Variants in GNA14 observed in about 807,000 individuals in gnomAD.
The protein encoded by GNA14 is G protein subunit alpha 14.
Under a neutral mutation model 42.0 loss-of-function variants are expected in GNA14, and 50 were observed. The observed-to-expected ratio is 1.19, with a 90% CI of 0.95 to 1.51. GNA14 has a LOEUF of 1.51. Ranked by LOEUF, GNA14 falls within the 40% of genes most tolerant of loss-of-function variation. The pLI, the probability that GNA14 is intolerant of heterozygous loss-of-function variation, is 0.00. For synonymous variants in GNA14, 173 were observed against 163.1 expected (o/e 1.06, Z -0.46); for missense variants, 473 against 446.2 (o/e 1.06, Z -0.54).
At chr9:77,558,934 A>C (rs11145480) in intron 1 of GNA14, among the ~76,000 whole-genome samples, 2,965 of 151,950 alleles carry the variant, frequency 0.02, 94 homozygotes, top group African/African-American at 0.067. Flanking sequence ...AAAAACAAAA[A>C]AAAAAACAAA....
intron 1 of GNA14, among the ~76,000 whole-genome samples, chr9:77,559,793 T>G (rs547109860): frequency 1.3e-5 from 2 of 152,230 alleles, no homozygotes; most frequent in African/African-American, 4.8e-5. Context: ...CATAAACAAA[T>G]GGTCCTTCCA....
intron 1 of GNA14, among the ~76,000 whole-genome samples, chr9:77,617,882 A>C (rs1475979856): frequency 6.6e-6 from 1 of 151,764 alleles, no homozygotes. Flanking sequence ...TCTCCCCTCC[A>C]TTGTCACCCT....
intron 1 of GNA14, among the ~76,000 whole-genome samples, chr9:77,597,263 C>A (rs1328190497): frequency 2.0e-5 from 3 of 152,182 alleles, no homozygotes; most frequent in African/African-American, 7.2e-5. Context: ...CAGAACTGCT[C>A]TGACAAACCA....
intron 5 of GNA14, among the ~76,000 whole-genome samples, chr9:77,426,303 C>CTT (rs569467315): frequency 6.2e-5 from 9 of 145,470 alleles, no homozygotes; most frequent in African/African-American, 7.6e-5. Context: ...TTGTTCAGAA[C>CTT]TTTTTTTTTT....
In GNA14 at chr9:77,433,731, C is replaced by A. The variant is rs539736365; in HGVS notation, c.464+637G>T. On this transcript the variant is annotated intron_variant, in intron 3 of 6. Coordinates refer to ENST00000341700, the MANE Select transcript of GNA14 (RefSeq NM_004297.4). ...GACATCTAAATAGAAATCTTTTTAC[C>A]TTCAAGGATTAATGAATTAAAAATT... Among the ~76,000 whole-genome samples, 3 of 152,276 alleles carry A rather than the reference C, an allele frequency of 2.0e-5. No individual in the cohort carries two copies. The East Asian group carries it at 5.8e-4, about 29-fold the overall frequency.
chr9:77,553,827 G>A (rs934236584), intron 1 of GNA14, among the ~76,000 whole-genome samples: 9 of 152,232 alleles, frequency 5.9e-5, no homozygotes, highest in Non-Finnish European at 1.0e-4. Context: ...AAATACCTAT[G>A]TAATGGGAAA....
At chr9:77,430,369 T>C (rs1835525442) in intron 4 of GNA14, among the ~76,000 whole-genome samples, 1 of 152,232 alleles carries the variant, frequency 6.6e-6, no homozygotes, top group Non-Finnish European at 1.5e-5. Flanking sequence ...GAAATAAAAG[T>C]ATTTTTTAAA....
intron 1 of GNA14, among the ~76,000 whole-genome samples, chr9:77,640,010 C>T (rs771086242): frequency 6.6e-6 from 1 of 152,208 alleles, no homozygotes; most frequent in Non-Finnish European, 1.5e-5. Context: ...TCCCAGTCCC[C>T]GGCCATCTGC....
At chr9:77,560,645 T>C (rs1822867244) in intron 1 of GNA14, among the ~76,000 whole-genome samples, 1 of 152,116 alleles carries the variant, frequency 6.6e-6, no homozygotes, top group South Asian at 2.1e-4. Context: ...GAGGATGTTT[T>C]AACTTTCCTC....
chr9:77,467,017 G>GTGTT (rs1362773113), intron 2 of GNA14, among the ~76,000 whole-genome samples: 1 of 151,578 alleles, frequency 6.6e-6, no homozygotes, highest in African/African-American at 2.4e-5. Flanking sequence ...GTGTGTGTGT[G>GTGTT]TGTGTGTGTG....
intron 2 of GNA14, among the ~76,000 whole-genome samples, chr9:77,502,430 C>T (rs534359858): frequency 9.2e-5 from 14 of 152,216 alleles, no homozygotes; most frequent in Middle Eastern, 3.4e-3. Context: ...CAGGGGAAGT[C>T]GGGGAGGGGA....
At chr9:77,495,254 A>T (rs1236512068) in intron 2 of GNA14, among the ~76,000 whole-genome samples, 1 of 151,964 alleles carries the variant, frequency 6.6e-6, no homozygotes. Context: ...TGGGGGAAAA[A>T]ACCTCTTTTT....
chr9:77,468,230 C>T (rs1438175577), intron 2 of GNA14, among the ~76,000 whole-genome samples: 1 of 152,188 alleles, frequency 6.6e-6, no homozygotes, highest in East Asian at 1.9e-4. Flanking sequence ...ACTCTTAATG[C>T]TCTTACTGGC....
At chr9:77,432,026 CCTTAA>C (rs1346358396) in intron 3 of GNA14, among the ~76,000 whole-genome samples, 2 of 151,866 alleles carry the variant, frequency 1.3e-5, no homozygotes, top group Admixed American at 6.6e-5. Flanking sequence ...CCAAAACTTG[CCTTAA>C]CTTATTTTTG....
chr9:77,517,065 CGTTG>C (rs985612552), intron 2 of GNA14, among the ~76,000 whole-genome samples: 9 of 152,140 alleles, frequency 5.9e-5, no homozygotes, highest in Admixed American at 3.3e-4. Flanking sequence ...AGAAATGGCA[CGTTG>C]GTTAGGGAAA....
At chr9:77,440,807 C>A (rs1271308681) in intron 2 of GNA14, among the ~76,000 whole-genome samples, 1 of 152,106 alleles carries the variant, frequency 6.6e-6, no homozygotes, top group Non-Finnish European at 1.5e-5. Context: ...CCTCCACTTC[C>A]TGGGTTCAAG....
chr9:77,610,531 T>C (rs1321697017), intron 1 of GNA14, among the ~76,000 whole-genome samples: 1 of 152,186 alleles, frequency 6.6e-6, no homozygotes, highest in Non-Finnish European at 1.5e-5. Context: ...TCATCTAACC[T>C]ATTTACCTCC....
chr9:77,491,253 G>C (rs1238917277), intron 2 of GNA14, among the ~76,000 whole-genome samples: 1 of 152,144 alleles, frequency 6.6e-6, no homozygotes, highest in Non-Finnish European at 1.5e-5. Flanking sequence ...ATGCAAAAAG[G>C]AAACATTTGA....
chr9:77,430,291 C>G (rs1302302320), intron 4 of GNA14, among the ~76,000 whole-genome samples: 10 of 152,160 alleles, frequency 6.6e-5, no homozygotes, highest in African/African-American at 2.4e-4. Context: ...GATGTTAAAC[C>G]CATTCACCAG....
Sources: allele counts gnomAD v4.1 joint callset (sites outside exome capture counted in the v4.1 genomes callset), GRCh38; gene constraint gnomAD v4.1.1; transcripts MANE v1.5; gene names NCBI Gene and HGNC (gene_info 2026-07-23, HGNC 2026-07-21).